Variants in KCNB2 observed in about 807,000 individuals in gnomAD.
KCNB2 encodes the protein potassium voltage-gated channel subfamily B member 2.
Under a neutral mutation model 61.5 loss-of-function variants are expected in KCNB2, and 15 were observed. The observed-to-expected ratio is 0.24, with a 90% confidence interval of 0.16 to 0.38. The LOEUF is 0.38. Ranked by LOEUF, KCNB2 falls within the 10% of genes least tolerant of loss-of-function variation. The pLI is 1.00. For synonymous variants in KCNB2, 457 were observed against 446.0 expected, an observed-to-expected ratio of 1.02 and a Z score of -0.31; for missense variants, 828 against 1,125.2, an observed-to-expected ratio of 0.74 and a Z score of 3.78.
intron 2 of KCNB2, among the ~76,000 whole-genome samples, chr8:72,744,652 G>A (rs2128994967): frequency 6.6e-6 from 1 of 152,212 alleles, no homozygotes; most frequent in Middle Eastern, 3.4e-3. Context: ...GGATACCTCT[G>A]GAAGGAAGTA....
At chr8:72,895,275 T>G (rs1805972616) in intron 2 of KCNB2, among the ~76,000 whole-genome samples, 1 of 152,090 alleles carries the variant, frequency 6.6e-6, no homozygotes, top group South Asian at 2.1e-4. Flanking sequence ...ATTATCCAGG[T>G]GGGCCCCAGG....
At chr8:72,892,103 C>T (rs1047110383) in intron 2 of KCNB2, among the ~76,000 whole-genome samples, 4 of 152,144 alleles carry the variant, frequency 2.6e-5, no homozygotes, top group African/African-American at 9.7e-5. Flanking sequence ...AATGCGCACA[C>T]AAAACAGCAG....
chr8:72,566,461 A>T (rs1001632647), intron 1 of KCNB2, among the ~76,000 whole-genome samples: 1 of 151,998 alleles, frequency 6.6e-6, no homozygotes, highest in Non-Finnish European at 1.5e-5. Flanking sequence ...GCACTTTGGG[A>T]GGCCAAGGCC....
rs116770109 is a variant in KCNB2, at chr8:72,860,150, C to T, written c.580-75785C>T. Among the ~76,000 whole-genome samples, 756 of 152,262 alleles carry T rather than the reference C, an allele frequency of 5.0e-3. 9 individuals are homozygous for T. Among genetic ancestry groups the T allele is most frequent in the African/African-American group, 0.017 (721 of 41,536 alleles). On this transcript the variant is annotated intron_variant, in intron 2 of 2. Transcript: ENST00000523207. ...TTAAGGATACTGAGGTCAACATTTA[C>T]GTACAAGTTTTTGTCTGGACATATG...
chr8:72,765,179 G>A (rs975224175), intron 2 of KCNB2, among the ~76,000 whole-genome samples: 6 of 152,196 alleles, frequency 3.9e-5, no homozygotes, highest in Non-Finnish European at 8.8e-5. Flanking sequence ...CAGCCAAGCT[G>A]AGCCCCAGCA....
intron 2 of KCNB2, among the ~76,000 whole-genome samples, chr8:72,768,654 C>A (rs1055940210): frequency 2.0e-5 from 3 of 152,018 alleles, no homozygotes; most frequent in East Asian, 1.9e-4. Context: ...GATCATGAAG[C>A]TTTATGCCTG....
intron 2 of KCNB2, among the ~76,000 whole-genome samples, chr8:72,793,717 C>T (rs771512598): frequency 6.6e-6 from 1 of 152,164 alleles, no homozygotes; most frequent in South Asian, 2.1e-4. Context: ...TTTAAAAGTT[C>T]TGTTAACAGT....
chr8:72,543,457 A>C (rs918853250), intron 1 of KCNB2, among the ~76,000 whole-genome samples: 13 of 152,230 alleles, frequency 8.5e-5, no homozygotes, highest in African/African-American at 3.1e-4. Flanking sequence ...ACTTTGAAAT[A>C]AGAGCAAAAT....
chr8:72,672,875 T>G (rs1806588591), intron 2 of KCNB2, among the ~76,000 whole-genome samples: 1 of 152,130 alleles, frequency 6.6e-6, no homozygotes, highest in Admixed American at 6.5e-5. Flanking sequence ...AGTAGTAGTA[T>G]AAAAAGATCC....
At chr8:72,861,705 G>C (rs1159556638) in intron 2 of KCNB2, among the ~76,000 whole-genome samples, 1 of 152,140 alleles carries the variant, frequency 6.6e-6, no homozygotes, top group Non-Finnish European at 1.5e-5. Context: ...TGCCTGACCA[G>C]AAAAACAAAG....
chr8:72,888,005 T>G (rs1247360147), intron 2 of KCNB2, among the ~76,000 whole-genome samples: 1 of 152,258 alleles, frequency 6.6e-6, no homozygotes, highest in Non-Finnish European at 1.5e-5. Flanking sequence ...TCCCCAAGAT[T>G]TTAAGCTCCT....
chr8:72,780,100 A>T (rs1367938241), intron 2 of KCNB2, among the ~76,000 whole-genome samples: 1 of 152,194 alleles, frequency 6.6e-6, no homozygotes, highest in African/African-American at 2.4e-5. Context: ...CAAAGCTGTA[A>T]GTGGAATCTA....
At chr8:72,677,177 G>A (rs766572331) in intron 2 of KCNB2, among the ~76,000 whole-genome samples, 1 of 152,282 alleles carries the variant, frequency 6.6e-6, no homozygotes, top group Non-Finnish European at 1.5e-5. Flanking sequence ...CAGGAAGCTA[G>A]GAGACAGGCC....
At chr8:72,626,854 G>A (rs1200365139) in intron 2 of KCNB2, among the ~76,000 whole-genome samples, 1 of 152,158 alleles carries the variant, frequency 6.6e-6, no homozygotes, top group African/African-American at 2.4e-5. Context: ...GTATTTGGGG[G>A]TCATGGGAAG....
intron 2 of KCNB2, among the ~76,000 whole-genome samples, chr8:72,660,265 T>C (rs1055623857): frequency 3.9e-5 from 6 of 152,150 alleles, no homozygotes; most frequent in Admixed American, 3.3e-4. Context: ...CTAAAGAAGG[T>C]TGCAAGTGTC....
intron 2 of KCNB2, among the ~76,000 whole-genome samples, chr8:72,616,639 T>TCAGA (rs1367843540): frequency 3.9e-5 from 6 of 152,226 alleles, no homozygotes; most frequent in Non-Finnish European, 8.8e-5. Context: ...GCACTTCATT[T>TCAGA]CATGTAGCAC....
intron 2 of KCNB2, among the ~76,000 whole-genome samples, chr8:72,890,209 A>G (rs879744654): frequency 6.6e-6 from 1 of 152,214 alleles, no homozygotes; most frequent in Non-Finnish European, 1.5e-5. Flanking sequence ...ACAAATATCT[A>G]GAAGTCATTC....
intron 1 of KCNB2, among the ~76,000 whole-genome samples, chr8:72,566,710 C>CAAA (rs5892353): frequency 2.2e-5 from 3 of 136,252 alleles, no homozygotes; most frequent in African/African-American, 8.2e-5. Flanking sequence ...GACTCTATTT[C>CAAA]AAAAAAAAAA....
At chr8:72,564,354 T>C (rs923157534) in intron 1 of KCNB2, among the ~76,000 whole-genome samples, 6 of 152,206 alleles carry the variant, frequency 3.9e-5, no homozygotes, top group Non-Finnish European at 5.9e-5. Flanking sequence ...TTATCTGATA[T>C]TATAATCAGT....
Sources: gnomAD v4.1 joint callset for allele counts (sites outside exome capture counted in the v4.1 genomes callset) on GRCh38, gnomAD v4.1.1 for gene constraint, MANE v1.5 for transcripts, NCBI Gene and HGNC (gene_info 2026-07-23, HGNC 2026-07-21) for gene names.